GNPTAB: variants seen among roughly 807,000 people sequenced by gnomAD.
GNPTAB encodes the protein N-acetylglucosamine-1-phosphate transferase subunits alpha and beta.
In GNPTAB, 92 loss-of-function variants were observed where a neutral mutation model predicts 136.6. The ratio of observed to expected loss-of-function variants is 0.67; its 90% CI spans 0.57 to 0.80. GNPTAB has a LOEUF of 0.80. Ranked by LOEUF, GNPTAB falls within the 30% of genes least tolerant of loss-of-function variation. The probability of loss-of-function intolerance (pLI) is 0.00; values close to 1 mark genes in which losing one functional copy is unlikely to be tolerated. For missense variants in GNPTAB, 1,343 were observed against 1,501.8 expected (o/e 0.89, Z 1.75); for synonymous variants, 512 against 535.1 (o/e 0.96, Z 0.60).
intron 19 of GNPTAB, among the ~76,000 whole-genome samples, chr12:101,752,014 TAAGTTA>T (rs1008910093): frequency 1.8e-5 from 2 of 108,604 alleles, no homozygotes; most frequent in African/African-American, 4.1e-5. Flanking sequence ...ATGTTACAGT[TAAGTTA>T]AAAAAAAAAA....
At chr12:101,776,149 C>T (rs1329594147) in intron 7 of GNPTAB, among the ~76,000 whole-genome samples, 1 of 152,202 alleles carries the variant, frequency 6.6e-6, no homozygotes, top group Non-Finnish European at 1.5e-5. Context: ...TTGAAGGAAA[C>T]TTAGCATGAG....
At chr12:101,812,377 T>C (rs968203677) in intron 1 of GNPTAB, among the ~76,000 whole-genome samples, 1 of 152,186 alleles carries the variant, frequency 6.6e-6, no homozygotes, top group Admixed American at 6.5e-5. Flanking sequence ...ACACGGAGGA[T>C]GACAATTCAA....
intron 2 of GNPTAB, among the ~76,000 whole-genome samples, chr12:101,792,849 G>A (rs569432173): frequency 3.3e-5 from 5 of 152,012 alleles, no homozygotes; most frequent in East Asian, 3.9e-4. Flanking sequence ...CTACACCTTC[G>A]GGCTCTCTCT....
chr12:101,749,102 T>TG lies in GNPTAB; in HGVS notation c.3691dup (p.Gln1231ProfsTer6). Reference sequence around the variant, plus strand: ...CCACATAAAATATATAAAACTTACCTGCTCAGCAAAAAATGAGAATATAGT... The same window carrying TG: ...CCACATAAAATATATAAAACTTACCTGGCTCAGCAAAAAATGAGAATATAGT... On this transcript the variant is annotated frameshift_variant and splice_region_variant, in exon 20 of 21. Transcript: ENST00000299314. LOFTEE classifies it high-confidence loss of function. 1.3e-6 allele frequency: 2 copies of TG among 1,575,452 alleles called. No individual in the cohort carries two copies. Among genetic ancestry groups the TG allele is most frequent in the Non-Finnish European group, 1.7e-6 (2 of 1,145,140 alleles).
In GNPTAB at chr12:101,764,589, T is replaced by A; in HGVS notation, c.2328A>T (p.Pro776=). Residue 776 remains proline, a synonymous_variant, in exon 13 of 21, where the codon CCA becomes CCT. Transcript: ENST00000299314. ...QEKQVHKSIL[P]NSLGVSERLQ... is the part of the protein sequence containing the mutation. ...ATCTTTCAGACACTCCTAAGCTGTT[T>A]GGCAAGATGCTTTTATGAACCTGTT... is the stretch of plus-strand genomic sequence containing the variant. 1 of 1,614,124 alleles carries A rather than the reference T, an allele frequency of 6.2e-7. No homozygotes were observed. The highest frequency in any genetic ancestry group is 8.5e-7 in the Non-Finnish European group (1 of 1,180,008).
intron 1 of GNPTAB, among the ~76,000 whole-genome samples, chr12:101,828,069 T>C (rs1566104764): frequency 6.6e-6 from 1 of 152,216 alleles, no homozygotes. Flanking sequence ...GTTGGTAATA[T>C]TAACTATATG....
chr12:101,800,984 A>G (rs998924318), intron 1 of GNPTAB, among the ~76,000 whole-genome samples: 3 of 152,074 alleles, frequency 2.0e-5, no homozygotes, highest in African/African-American at 7.2e-5. Context: ...CTGTAAAGCC[A>G]GCACTTTCGG....
chr12:101,823,935 A>T (rs1398820148), intron 1 of GNPTAB, among the ~76,000 whole-genome samples: 1 of 152,206 alleles, frequency 6.6e-6, no homozygotes, highest in East Asian at 1.9e-4. Context: ...TCACAGACAC[A>T]ATGTCACCAG....
At chr12:101,817,205 AAAG>A (rs1870551484) in intron 1 of GNPTAB, among the ~76,000 whole-genome samples, 1 of 152,152 alleles carries the variant, frequency 6.6e-6, no homozygotes, top group Non-Finnish European at 1.5e-5. Context: ...TTCCCAACAC[AAAG>A]AAATGATACA....
chr12:101,763,600 T>C (rs1268625290), intron 13 of GNPTAB, among the ~76,000 whole-genome samples: 1 of 152,204 alleles, frequency 6.6e-6, no homozygotes, highest in Non-Finnish European at 1.5e-5. Context: ...CACATCTCTT[T>C]GCTACAGTTT....
In GNPTAB at chr12:101,789,951, GCTC is replaced by G; in HGVS notation, c.307_309del (p.Glu103del). 6.2e-7 allele frequency: 1 copy of G among 1,613,872 alleles called. No individual in the cohort carries two copies. The highest frequency in any genetic ancestry group is 8.5e-7 in the Non-Finnish European group (1 of 1,179,916). ...AATCAGTTTTACCTCATTGCTTTCT[GCTC>G]CTCCTCCATCTGTTCTCTGACCTGC... On this transcript the variant is annotated inframe_deletion, in exon 3 of 21. Coordinates refer to ENST00000299314, the MANE Select transcript of GNPTAB (RefSeq NM_024312.5).
intron 1 of GNPTAB, among the ~76,000 whole-genome samples, chr12:101,822,557 G>A (rs914811134): frequency 6.6e-6 from 1 of 152,196 alleles, no homozygotes; most frequent in African/African-American, 2.4e-5. Context: ...ATCAGAAACA[G>A]GTTACAGAGC....
At chr12:101,808,852 G>A (rs1218167350) in intron 1 of GNPTAB, among the ~76,000 whole-genome samples, 2 of 152,184 alleles carry the variant, frequency 1.3e-5, no homozygotes, top group African/African-American at 2.4e-5. Flanking sequence ...GGAGGCCAAG[G>A]CAGGAGAATT....
At chr12:101,749,820 G>A in intron 19 of GNPTAB, among the ~76,000 whole-genome samples, 1 of 152,212 alleles carries the variant, frequency 6.6e-6, no homozygotes, top group Non-Finnish European at 1.5e-5. Context: ...GTGAATCCAT[G>A]CGGCAGCATG....
intron 19 of GNPTAB, among the ~76,000 whole-genome samples, chr12:101,750,458 G>A (rs1050783960): frequency 2.6e-5 from 4 of 152,230 alleles, no homozygotes; most frequent in African/African-American, 9.7e-5. Context: ...AGGATGAGGA[G>A]CAAGCAACCT....
At chr12:101,821,938 G>T (rs1870821723) in intron 1 of GNPTAB, among the ~76,000 whole-genome samples, 1 of 152,096 alleles carries the variant, frequency 6.6e-6, no homozygotes, top group Non-Finnish European at 1.5e-5. Context: ...CCTACTCACT[G>T]GGCAAAAGAG....
chr12:101,802,199 T>TAAAAAAAAAAAAAAAAAAAAAAAAA (rs112485347), intron 1 of GNPTAB, among the ~76,000 whole-genome samples: 1 of 108,204 alleles, frequency 9.2e-6, no homozygotes, highest in Non-Finnish European at 1.9e-5. Context: ...CCCTGTCTCT[T>TAAAAAAAAAAAAAAAAAAAAAAAAA]AAAAAAAAAA....
intron 6 of GNPTAB, 82 bp from the exon 7 acceptor site, chr12:101,780,368 C>T: frequency 7.1e-7 from 1 of 1,415,582 alleles, no homozygotes; most frequent in Non-Finnish European, 1.0e-6. Context: ...TGGTAAAGAT[C>T]TATTGCATCA....
At chr12:101,810,456 C>CAT (rs1246767374) in intron 1 of GNPTAB, 3 of 146,304 alleles carry the variant, frequency 2.1e-5, no homozygotes, top group Non-Finnish European at 4.5e-5. Flanking sequence ...CACACACACA[C>CAT]ACACACACAC....
Sources: allele counts gnomAD v4.1 joint callset (sites outside exome capture counted in the v4.1 genomes callset), GRCh38; gene constraint gnomAD v4.1.1; transcripts MANE v1.5; gene names NCBI Gene and HGNC (gene_info 2026-07-23, HGNC 2026-07-21).